Variants in GPC6 observed in about 807,000 individuals in gnomAD.
GPC6 encodes the protein glypican-6.
In GPC6, 14 loss-of-function variants were observed where a neutral mutation model predicts 55.2. The ratio of observed to expected loss-of-function variants is 0.25; its 90% CI spans 0.17 to 0.40. The LOEUF (loss-of-function observed/expected upper bound fraction) is 0.40, where lower values mean the gene tolerates loss of function less well. Ranked by LOEUF, GPC6 falls within the 10% of genes least tolerant of loss-of-function variation. The pLI, the probability that GPC6 is intolerant of heterozygous loss-of-function variation, is 1.00. For missense variants in GPC6, 641 were observed against 708.5 expected, an observed-to-expected ratio of 0.90 and a Z score of 1.08; for synonymous variants, 278 against 259.6, an observed-to-expected ratio of 1.07 and a Z score of -0.68.
At chr13:93,758,388 TC>T (rs1884848826) in intron 2 of GPC6, among the ~76,000 whole-genome samples, 1 of 152,122 alleles carries the variant, frequency 6.6e-6, no homozygotes, top group Non-Finnish European at 1.5e-5. Context: ...TATTTCTTTC[TC>T]CAATTCAACT....
At chr13:93,535,808 T>C (rs1399567474) in intron 1 of GPC6, among the ~76,000 whole-genome samples, 1 of 151,926 alleles carries the variant, frequency 6.6e-6, no homozygotes, top group Non-Finnish European at 1.5e-5. Context: ...TACACTTCAA[T>C]GTTTCAGTTA....
intron 2 of GPC6, among the ~76,000 whole-genome samples, chr13:93,578,367 G>T (rs760851847): frequency 1.3e-5 from 2 of 151,748 alleles, no homozygotes; most frequent in Non-Finnish European, 2.9e-5. Context: ...TACCCTTTCA[G>T]TCTTGTTATT....
Position 94,157,339 on chromosome 13 carries a change from G to A in GPC6, c.878-129010G>A, listed in dbSNP as rs542342601. 6.6e-5 allele frequency among the ~76,000 whole-genome samples: 10 copies of A among 152,212 alleles called. No homozygotes were observed. The South Asian group carries it at 2.1e-3, about 32-fold the overall frequency. On this transcript the variant is annotated intron_variant, in intron 4 of 8. Coordinates refer to ENST00000377047, the MANE Select transcript of GPC6 (RefSeq NM_005708.5). ...AAAAGCTCAAAGGAAGGTAAAAATG[G>A]GCATTGCTTTTGGAACCTGGAGAAT... is the stretch of plus-strand genomic sequence containing the variant.
intron 1 of GPC6, among the ~76,000 whole-genome samples, chr13:93,293,552 A>AT (rs939919142): frequency 4.7e-4 from 72 of 152,272 alleles, no homozygotes; most frequent in African/African-American, 1.7e-3. Context: ...TCTAATATTC[A>AT]TTTTTTAAAG....
At chr13:93,662,519 A>G (rs1880965358) in intron 2 of GPC6, among the ~76,000 whole-genome samples, 1 of 152,118 alleles carries the variant, frequency 6.6e-6, no homozygotes, top group Non-Finnish European at 1.5e-5. Flanking sequence ...AATCCCAGCT[A>G]CTTGGGAGGC....
chr13:94,168,716 A>T (rs1888455639), intron 4 of GPC6, among the ~76,000 whole-genome samples: 1 of 148,056 alleles, frequency 6.8e-6, no homozygotes, highest in South Asian at 2.1e-4. Context: ...AATATATATA[A>T]AATATATATT....
intron 2 of GPC6, among the ~76,000 whole-genome samples, chr13:93,730,669 G>C (rs1250655868): frequency 6.6e-6 from 1 of 152,198 alleles, no homozygotes; most frequent in African/African-American, 2.4e-5. Context: ...GTTTTCATTA[G>C]TTTTTAGAGC....
At chr13:94,154,705 C>T (rs1017101458) in intron 4 of GPC6, among the ~76,000 whole-genome samples, 1 of 152,100 alleles carries the variant, frequency 6.6e-6, no homozygotes, top group Non-Finnish European at 1.5e-5. Flanking sequence ...AAAAAGGGCA[C>T]CAGAAGCAAT....
intron 1 of GPC6, among the ~76,000 whole-genome samples, chr13:93,275,948 C>T (rs1173498042): frequency 6.6e-6 from 1 of 152,160 alleles, no homozygotes; most frequent in Non-Finnish European, 1.5e-5. Context: ...GATCTCGGCT[C>T]ATGGCAAGCT....
At chr13:93,705,749 G>A (rs909264844) in intron 2 of GPC6, among the ~76,000 whole-genome samples, 4 of 150,994 alleles carry the variant, frequency 2.6e-5, no homozygotes, top group African/African-American at 7.3e-5. Context: ...TCTCACCGAC[G>A]TCTGTGGCAC....
At chr13:93,677,632 A>C (rs1881687064) in intron 2 of GPC6, among the ~76,000 whole-genome samples, 1 of 152,164 alleles carries the variant, frequency 6.6e-6, no homozygotes, top group Admixed American at 6.6e-5. Flanking sequence ...TCAGCAGTGG[A>C]TAAAGAAGGC....
intron 4 of GPC6, among the ~76,000 whole-genome samples, chr13:94,055,314 C>G (rs1196957865): frequency 3.3e-5 from 5 of 152,052 alleles, no homozygotes; most frequent in African/African-American, 1.2e-4. Context: ...AATAATATTG[C>G]AAACTGTGGT....
chr13:93,903,484 C>A (rs1876472711), intron 3 of GPC6, among the ~76,000 whole-genome samples: 2 of 152,154 alleles, frequency 1.3e-5, no homozygotes, highest in African/African-American at 4.8e-5. Context: ...TTCTACTTTT[C>A]TTAATGCTCT....
rs1881347714 is a variant in GPC6, at chr13:94,405,891, A to T, written c.*2674A>T. 6.6e-6 allele frequency: 1 copy of T among 152,172 alleles called. No individual in the cohort carries two copies. Among genetic ancestry groups the T allele is most frequent in the Non-Finnish European group, 1.5e-5 (1 of 68,014 alleles). The allele number at this position is 152,172 out of a possible 1,614,324, so 9.4% of individuals were successfully genotyped here. On this transcript the variant is annotated 3_prime_UTR_variant, in exon 9 of 9. Transcript: ENST00000377047. ...CATATGATTTTCAGACTAATTTAAC[A>T]TGAGAAATGTTTTGGCCCTAAAGGA...
At chr13:94,011,665 CACTTTG>C (rs1230972009) in intron 3 of GPC6, among the ~76,000 whole-genome samples, 1 of 152,114 alleles carries the variant, frequency 6.6e-6, no homozygotes, top group African/African-American at 2.4e-5. Flanking sequence ...CCCAATATTC[CACTTTG>C]AGTTTCTTTT....
At chr13:93,777,238 C>T (rs1349458923) in intron 2 of GPC6, among the ~76,000 whole-genome samples, 1 of 152,152 alleles carries the variant, frequency 6.6e-6, no homozygotes, top group Non-Finnish European at 1.5e-5. Flanking sequence ...TTCCCAAGCC[C>T]CGTCTCCTGT....
intron 2 of GPC6, among the ~76,000 whole-genome samples, chr13:93,716,575 G>C (rs1459884142): frequency 1.3e-5 from 2 of 151,622 alleles, no homozygotes; most frequent in African/African-American, 2.4e-5. Flanking sequence ...TTGTACAGCT[G>C]TACAACGTTT....
At chr13:93,854,565 A>G (rs1000104693) in intron 3 of GPC6, among the ~76,000 whole-genome samples, 5 of 151,748 alleles carry the variant, frequency 3.3e-5, no homozygotes, top group Admixed American at 2.6e-4. Context: ...TTTGAAATAC[A>G]TGTTAAAATT....
chr13:93,955,389 C>G (rs1879465417), intron 3 of GPC6, among the ~76,000 whole-genome samples: 1 of 151,878 alleles, frequency 6.6e-6, no homozygotes, highest in Admixed American at 6.6e-5. Flanking sequence ...CAGAGAGCAC[C>G]AGCTTCAAAG....
Sources: gnomAD v4.1 joint callset for allele counts (sites outside exome capture counted in the v4.1 genomes callset) on GRCh38, gnomAD v4.1.1 for gene constraint, MANE v1.5 for transcripts, NCBI Gene and HGNC (gene_info 2026-07-23, HGNC 2026-07-21) for gene names.